Variants in ADARB2 observed in about 807,000 individuals in gnomAD.
ADARB2 encodes the protein inactive double-stranded RNA-specific editase B2.
In ADARB2, 25 loss-of-function variants were observed where a neutral mutation model predicts 62.2. The observed-to-expected ratio is 0.40, with a 90% CI of 0.29 to 0.56. The LOEUF is 0.56. ADARB2 is among the 20% of genes least tolerant of loss of function. The pLI is 0.43. For synonymous variants in ADARB2, 572 were observed against 500.8 expected, an observed-to-expected ratio of 1.14 and a Z score of -1.90; for missense variants, 1,071 against 1,077.4, an observed-to-expected ratio of 0.99 and a Z score of 0.08.
Position 1,495,323 on chromosome 10 carries a change from T to C in ADARB2, c.101-116163A>G, listed in dbSNP as rs184482688. On this transcript the variant is annotated intron_variant, in intron 1 of 9. Coordinates refer to ENST00000381312, the MANE Select transcript of ADARB2 (RefSeq NM_018702.4). ...GTATATCAAATACATGCAAGGTATATCAAGTAGTTCACGTTCACATTTATT... is the reference window on the plus strand; with the variant it reads ...GTATATCAAATACATGCAAGGTATACCAAGTAGTTCACGTTCACATTTATT... Among the ~76,000 whole-genome samples the C allele has an allele frequency of 1.3e-3, 201 of 152,348 alleles. 1 individual carries two copies. The highest frequency in any genetic ancestry group is 2.4e-3 in the Admixed American group (36 of 15,302).
intron 1 of ADARB2, among the ~76,000 whole-genome samples, chr10:1,555,285 T>A (rs987497114): frequency 1.3e-5 from 2 of 152,218 alleles, no homozygotes; most frequent in Non-Finnish European, 2.9e-5. Flanking sequence ...CCTTGAGAAA[T>A]CTCCAAATTG....
At chr10:1,296,199 G>A (rs1301802430) in intron 3 of ADARB2, among the ~76,000 whole-genome samples, 1 of 152,218 alleles carries the variant, frequency 6.6e-6, no homozygotes, top group Non-Finnish European at 1.5e-5. Flanking sequence ...GGATCCACGT[G>A]TAAGACAAAC....
chr10:1,281,833 T>A (rs1831373890), intron 3 of ADARB2, among the ~76,000 whole-genome samples: 1 of 152,234 alleles, frequency 6.6e-6, no homozygotes, highest in Non-Finnish European at 1.5e-5. Flanking sequence ...TCTTTACATT[T>A]TAAATTGAGG....
intron 1 of ADARB2, among the ~76,000 whole-genome samples, chr10:1,688,763 G>A (rs553806886): frequency 4.3e-4 from 66 of 152,300 alleles, no homozygotes; most frequent in African/African-American, 1.5e-3. Context: ...TTACGTTAGC[G>A]CTGACTCAAC....
intron 1 of ADARB2, among the ~76,000 whole-genome samples, chr10:1,522,852 G>C (rs1832090327): frequency 6.6e-6 from 1 of 152,174 alleles, no homozygotes; most frequent in Admixed American, 6.5e-5. Context: ...TTCATGCTGG[G>C]CTCCAAGCTC....
At chr10:1,401,154 G>A (rs1239148676) in intron 1 of ADARB2, among the ~76,000 whole-genome samples, 4 of 152,144 alleles carry the variant, frequency 2.6e-5, no homozygotes, top group Admixed American at 6.5e-5. Flanking sequence ...CAGGCCCAGC[G>A]TCACCCTCCC....
chr10:1,370,812 C>G (rs917496667), intron 2 of ADARB2, among the ~76,000 whole-genome samples: 2 of 152,160 alleles, frequency 1.3e-5, no homozygotes, highest in African/African-American at 4.8e-5. Context: ...TAGACACAAA[C>G]CAATGGAAAA....
chr10:1,615,666 G>C (rs7920221), intron 1 of ADARB2, among the ~76,000 whole-genome samples: 109,480 of 152,170 alleles, frequency 0.72, 39,600 homozygotes, highest in African/African-American at 0.81. Context: ...GCTGGATTTG[G>C]AGATGTAGTG....
intron 1 of ADARB2, among the ~76,000 whole-genome samples, chr10:1,564,318 C>G (rs1564331985): frequency 6.6e-6 from 1 of 152,246 alleles, no homozygotes; most frequent in African/African-American, 2.4e-5. Context: ...TAGAAGAAAA[C>G]CTAGGCATTA....
intron 1 of ADARB2, among the ~76,000 whole-genome samples, chr10:1,380,337 T>A (rs943304597): frequency 6.6e-6 from 1 of 152,272 alleles, no homozygotes. Context: ...CTTTGCTAAG[T>A]GGGATTCTTC....
At chr10:1,615,327 T>A (rs1035597178) in intron 1 of ADARB2, among the ~76,000 whole-genome samples, 13 of 152,178 alleles carry the variant, frequency 8.5e-5, no homozygotes, top group African/African-American at 2.9e-4. Context: ...GATTGAAGTG[T>A]GCCTGCCCCT....
chr10:1,201,236 C>T (rs1048950103), intron 7 of ADARB2, among the ~76,000 whole-genome samples: 6 of 152,214 alleles, frequency 3.9e-5, no homozygotes, highest in Non-Finnish European at 7.3e-5. Context: ...GTGGGGGTTT[C>T]GGGGAGCCGC....
intron 3 of ADARB2, among the ~76,000 whole-genome samples, chr10:1,273,306 G>A (rs755535880): frequency 6.6e-5 from 10 of 152,048 alleles, no homozygotes; most frequent in Non-Finnish European, 8.8e-5. Flanking sequence ...TGCTGCCCAC[G>A]CTGGAGTGCA....
chr10:1,289,953 C>T (rs887186812), intron 3 of ADARB2: 1 of 152,268 alleles, frequency 6.6e-6, no homozygotes, highest in African/African-American at 2.4e-5. Flanking sequence ...ACACGGCATA[C>T]ATAGGCTGGT....
At chr10:1,219,762 G>A (rs1188056891) in intron 6 of ADARB2, among the ~76,000 whole-genome samples, 1 of 151,526 alleles carries the variant, frequency 6.6e-6, no homozygotes, top group Admixed American at 6.6e-5. Context: ...TGATGATGGT[G>A]GCGGTGGAGA....
At chr10:1,516,557 G>C (rs529504255) in intron 1 of ADARB2, among the ~76,000 whole-genome samples, 2 of 151,530 alleles carry the variant, frequency 1.3e-5, no homozygotes, top group Non-Finnish European at 2.9e-5. Context: ...GCGGGCTGCT[G>C]TGTGCTGTGC....
At chr10:1,721,648 A>G (rs1047352061) in intron 1 of ADARB2, among the ~76,000 whole-genome samples, 2 of 152,224 alleles carry the variant, frequency 1.3e-5, no homozygotes, top group Non-Finnish European at 2.9e-5. Flanking sequence ...AAGCTCACAA[A>G]AGCCCATTTA....
intron 1 of ADARB2, among the ~76,000 whole-genome samples, chr10:1,696,802 A>C (rs1834751825): frequency 6.6e-6 from 1 of 152,080 alleles, no homozygotes. Context: ...GATGCAGGTG[A>C]CCCTTGGCAC....
intron 7 of ADARB2, 41 bp downstream of exon 7, chr10:1,216,910 G>A (rs749958773): frequency 1.4e-5 from 23 of 1,590,146 alleles, no homozygotes; most frequent in Middle Eastern, 1.7e-4. Context: ...ACTCCCCACC[G>A]GCCGCAGCCA....
Sources: gnomAD v4.1 joint callset for allele counts (sites outside exome capture counted in the v4.1 genomes callset) on GRCh38, gnomAD v4.1.1 for gene constraint, MANE v1.5 for transcripts, NCBI Gene and HGNC (gene_info 2026-07-23, HGNC 2026-07-21) for gene names.